The following CDC14B variants were observed in gnomAD, a reference collection of about 807,000 sequenced individuals.
CDC14B encodes the protein cell division cycle 14B.
CDC14B carries 22 observed loss-of-function variants against 64.2 expected under a neutral mutation model. The ratio of observed to expected loss-of-function variants is 0.34; its 90% CI spans 0.24 to 0.49. The LOEUF (loss-of-function observed/expected upper bound fraction) is 0.49, where lower values mean the gene tolerates loss of function less well. Among genes scored for constraint, CDC14B ranks in the 20% least tolerant of loss-of-function variants. The pLI is 0.99. For synonymous variants in CDC14B, 191 were observed against 215.8 expected, an observed-to-expected ratio of 0.89 and a Z score of 1.01; for missense variants, 498 against 629.9, an observed-to-expected ratio of 0.79 and a Z score of 2.24.
intron 5 of CDC14B, among the ~76,000 whole-genome samples, chr9:96,547,103 G>A (rs910321448): frequency 1.3e-5 from 2 of 151,614 alleles, no homozygotes; most frequent in Non-Finnish European, 2.9e-5. Context: ...AAAGGGGGAA[G>A]GTTGGAATAT....
chr9:96,516,232 C>T (rs16911038), intron 12 of CDC14B, among the ~76,000 whole-genome samples: 2,368 of 152,250 alleles, frequency 0.016, 61 homozygotes, highest in African/African-American at 0.053. Flanking sequence ...GGAGGCACAA[C>T]TAAAAATGAA....
At chr9:96,567,866 C>A (rs1174410212) in intron 1 of CDC14B, among the ~76,000 whole-genome samples, 1 of 152,110 alleles carries the variant, frequency 6.6e-6, no homozygotes, top group Non-Finnish European at 1.5e-5. Flanking sequence ...GGGATGGATA[C>A]CCCATTCTCC....
exon 14 of CDC14B, chr9:96,492,927 C>CT (rs1015364154): frequency 6.6e-5 from 10 of 152,406 alleles, no homozygotes; most frequent in African/African-American, 2.4e-4. Flanking sequence ...CAAGACCCCT[C>CT]TAGCCTAATG....
intron 4 of CDC14B, among the ~76,000 whole-genome samples, chr9:96,553,070 G>T (rs928904466): frequency 5.3e-5 from 8 of 152,150 alleles, no homozygotes; most frequent in Non-Finnish European, 1.2e-4. Context: ...ACACCAATCC[G>T]ATTCACTGAT....
At chr9:96,601,795 A>G (rs1306049945) in intron 1 of CDC14B, among the ~76,000 whole-genome samples, 6 of 104,018 alleles carry the variant, frequency 5.8e-5, no homozygotes, top group African/African-American at 1.7e-4. Context: ...CGCTGTCTCG[A>G]AAAAAAAAAA....
At chr9:96,508,330 G>C (rs1163708706) in intron 13 of CDC14B, among the ~76,000 whole-genome samples, 1 of 150,682 alleles carries the variant, frequency 6.6e-6, no homozygotes, top group Non-Finnish European at 1.5e-5. Context: ...CTTCAGAATT[G>C]TTATGCATGG....
At chr9:96,512,210 A>AC (rs1834996083) in intron 12 of CDC14B, among the ~76,000 whole-genome samples, 1 of 142,784 alleles carries the variant, frequency 7.0e-6, no homozygotes, top group African/African-American at 2.6e-5. Flanking sequence ...GAGACTTTGT[A>AC]TAAAAAAAAA....
chr9:96,498,796 A>T (rs1240666337), downstream of CDC14B, among the ~76,000 whole-genome samples: 1 of 152,234 alleles, frequency 6.6e-6, no homozygotes, highest in East Asian at 1.9e-4. Flanking sequence ...GATTCTTTTC[A>T]TTTCCATTTC....
intron 1 of CDC14B, among the ~76,000 whole-genome samples, chr9:96,612,405 G>A (rs556172466): frequency 6.6e-5 from 10 of 152,342 alleles, no homozygotes; most frequent in African/African-American, 2.4e-4. Flanking sequence ...CACTGATGCA[G>A]CCCTGGCCAT....
Position 96,542,385 on chromosome 9 carries a change from T to C in CDC14B, c.498-493A>G, listed in dbSNP as rs1173918015. Among the ~76,000 whole-genome samples the C allele has an allele frequency of 4.6e-5, 7 of 152,316 alleles. No individual in the cohort carries two copies. The East Asian group carries it at 1.3e-3, about 29-fold the overall frequency. ...TGTCTCCAACCAAGTATGACAGAAATACTGAGAAATCAAGGTCACATTTAA... is the reference window on the plus strand; with the variant it reads ...TGTCTCCAACCAAGTATGACAGAAACACTGAGAAATCAAGGTCACATTTAA... On this transcript the variant is annotated intron_variant, in intron 5 of 13. Transcript: ENST00000375241.
chr9:96,617,841 C>T (rs1447748386), intron 1 of CDC14B, among the ~76,000 whole-genome samples: 1 of 152,158 alleles, frequency 6.6e-6, no homozygotes, highest in Admixed American at 6.5e-5. Flanking sequence ...CAGATCCTTT[C>T]AAGAGGTATA....
chr9:96,514,372 AAG>A (rs1835324298), intron 12 of CDC14B: 2 of 943,196 alleles, frequency 2.1e-6, no homozygotes, highest in African/African-American at 3.5e-5. Context: ...GTAGTTGACT[AAG>A]AGAAGTAAAG....
At chr9:96,617,601 T>G (rs902274994) in intron 1 of CDC14B, among the ~76,000 whole-genome samples, 1 of 152,108 alleles carries the variant, frequency 6.6e-6, no homozygotes, top group Non-Finnish European at 1.5e-5. Context: ...CAAAACAACA[T>G]GTGTGCTACT....
chr9:96,601,821 A>G (rs1215293216), intron 1 of CDC14B, among the ~76,000 whole-genome samples: 3 of 142,884 alleles, frequency 2.1e-5, no homozygotes, highest in Non-Finnish European at 4.6e-5. Context: ...AAAAATTGGG[A>G]GGCCGAGGTG....
rs1847841483 is a variant in CDC14B at position 96,619,397 on chromosome 9, T to C, written c.-19A>G. 18 of 1,172,062 alleles carry C rather than the reference T, an allele frequency of 1.5e-5. No individual in the cohort carries two copies. The South Asian group carries it at 5.9e-4, about 38-fold the overall frequency. 72.6% of individuals were successfully genotyped at this position (1,172,062 alleles called of 1,614,324 possible). ...GCTTCATGGAGGCGGCCGCGGCCCG[T>C]CAGGGGGCCACGACCATGGCCCCGC... is the stretch of plus-strand genomic sequence containing the variant. On this transcript the variant is annotated 5_prime_UTR_variant, in exon 1 of 14. An upstream open reading frame in the 5' UTR loses its in-frame stop. Transcript: ENST00000375241.
At chr9:96,618,450 C>T (rs757702837) in intron 1 of CDC14B, 5 of 531,282 alleles carry the variant, frequency 9.4e-6, no homozygotes, top group South Asian at 7.0e-5. Flanking sequence ...CAAGAACAGT[C>T]GAATCAGCAC....
chr9:96,496,303 C>G, downstream of CDC14B: 7 of 514,886 alleles, frequency 1.4e-5, no homozygotes, highest in Non-Finnish European at 2.7e-5. Context: ...CTTGTGGATC[C>G]CGAGCCAGAT....
At chr9:96,530,975 C>T (rs1458987575) in intron 9 of CDC14B, among the ~76,000 whole-genome samples, 1 of 152,168 alleles carries the variant, frequency 6.6e-6, no homozygotes, top group Non-Finnish European at 1.5e-5. Flanking sequence ...TGTTGAACCA[C>T]TCTTGTAATC....
chr9:96,506,123 C>T (rs1834092596), intron 13 of CDC14B, among the ~76,000 whole-genome samples: 1 of 152,152 alleles, frequency 6.6e-6, no homozygotes, highest in Non-Finnish European at 1.5e-5. Flanking sequence ...GATGACAAAC[C>T]AGTAGGAACT....
Sources: gnomAD v4.1 joint callset for allele counts (sites outside exome capture counted in the v4.1 genomes callset) on GRCh38, gnomAD v4.1.1 for gene constraint, MANE v1.5 for transcripts, NCBI Gene and HGNC (gene_info 2026-07-23, HGNC 2026-07-21) for gene names.